EFHC2: variants seen among roughly 807,000 people sequenced by gnomAD.
EFHC2 encodes the protein EF-hand domain containing 2.
EFHC2 carries 18 observed loss-of-function variants against 52.7 expected under a neutral mutation model. That is an observed-to-expected ratio of 0.34 (90% CI 0.24 to 0.51). The LOEUF is 0.51. EFHC2 is among the 20% of genes least tolerant of loss of function. The pLI is 0.97. For synonymous variants in EFHC2, 203 were observed against 204.1 expected (o/e 0.99, Z 0.04); for missense variants, 513 against 562.5 (o/e 0.91, Z 0.89).
intron 14 of EFHC2, among the ~76,000 whole-genome samples, chrX:44,162,212 C>T (rs1257459347): frequency 2.7e-5 from 3 of 111,512 alleles, no homozygotes; most frequent in Admixed American, 1.9e-4. Context: ...CACTTGAGGC[C>T]GGGAGTTCGA....
At chrX:44,233,488 G>A (rs1381230531) in intron 9 of EFHC2, among the ~76,000 whole-genome samples, 2 of 111,114 alleles carry the variant, frequency 1.8e-5, no homozygotes, top group Non-Finnish European at 3.8e-5. Context: ...AGTTGAACAG[G>A]GAACTCCAGG....
chrX:44,343,287 T>G (rs900550868), intron 1 of EFHC2, among the ~76,000 whole-genome samples: 8 of 112,064 alleles, frequency 7.1e-5, no homozygotes, highest in African/African-American at 2.6e-4. Context: ...CCCCAATGGT[T>G]ATCGTCACTA....
chrX:44,207,379 C>T (rs1288723007), intron 11 of EFHC2, among the ~76,000 whole-genome samples: 2 of 111,161 alleles, frequency 1.8e-5, no homozygotes, highest in Non-Finnish European at 3.8e-5. Context: ...GGCATGGTGG[C>T]ATGTGCCTTT....
intron 2 of EFHC2, among the ~76,000 whole-genome samples, chrX:44,301,067 G>T (rs991229984): frequency 1.2e-4 from 12 of 99,558 alleles, no homozygotes; most frequent in African/African-American, 3.4e-4. Flanking sequence ...CCAAGATCAC[G>T]CCACTGCACT....
At chrX:44,231,814 A>G (rs1350110294) in intron 10 of EFHC2, among the ~76,000 whole-genome samples, 1 of 112,396 alleles carries the variant, frequency 8.9e-6, no homozygotes, top group Non-Finnish European at 1.9e-5. Context: ...AATGACTCCC[A>G]AATAAACATG....
intron 13 of EFHC2, among the ~76,000 whole-genome samples, chrX:44,167,757 C>T (rs1272266025): frequency 2.7e-5 from 3 of 111,193 alleles, no homozygotes; most frequent in Non-Finnish European, 5.7e-5. Context: ...GTGTGGGAAT[C>T]CCCCCAAGAG....
chrX:44,166,421 T>C (rs1042363622), intron 13 of EFHC2, among the ~76,000 whole-genome samples: 2 of 111,288 alleles, frequency 1.8e-5, no homozygotes, highest in African/African-American at 6.5e-5. Context: ...AGAAAGACTG[T>C]AGGGGCTGCT....
chrX:44,164,415 A>G lies in EFHC2; in HGVS notation c.2043-388T>C, dbSNP rs184930421. On this transcript the variant is annotated intron_variant, in intron 13 of 14. Transcript: ENST00000420999. ...TGTCAGCAAAATAGAATGTCCTTAT[A>G]TTTCTTCAATTGCATACCTTTTAAA... 2.8e-3 allele frequency among the ~76,000 whole-genome samples: 319 copies of G among 112,388 alleles called. 2 individuals carry two copies. The highest frequency in any genetic ancestry group is 5.1e-3 in the South Asian group (14 of 2,760).
chrX:44,271,365 A>T (rs2037615992), intron 3 of EFHC2, among the ~76,000 whole-genome samples: 1 of 111,787 alleles, frequency 8.9e-6, no homozygotes, highest in Non-Finnish European at 1.9e-5. Flanking sequence ...CATATTCAGG[A>T]TATGTTTTTC....
In EFHC2 at chrX:44,161,125, G is replaced by A. The variant is rs191366672; in HGVS notation, c.2148+2797C>T. On this transcript the variant is annotated intron_variant, in intron 14 of 14. Coordinates refer to ENST00000420999, the MANE Select transcript of EFHC2 (RefSeq NM_025184.4). ...CCCCCAACACAGAGGTAAACATTTG[G>A]GTGGTGGATTGAGTGGAATGGAAGA... Among the ~76,000 whole-genome samples the A allele has an allele frequency of 2.2e-4, 24 of 111,422 alleles. No individual in the cohort carries two copies. In the Admixed American group the frequency reaches 2.3e-3, roughly 11 times the overall value.
intron 2 of EFHC2, among the ~76,000 whole-genome samples, chrX:44,287,143 C>T (rs1316727420): frequency 5.5e-5 from 6 of 108,760 alleles, no homozygotes; most frequent in Non-Finnish European, 3.8e-5. Flanking sequence ...TCACTTGAGC[C>T]CAGGAGTTTG....
chrX:44,153,446 G>A lies in EFHC2; in HGVS notation c.2149-4550C>T, dbSNP rs541740088. 3.6e-4 allele frequency among the ~76,000 whole-genome samples: 40 copies of A among 111,574 alleles called. No homozygotes were observed. The South Asian group carries it at 0.013, about 37-fold the overall frequency. On this transcript the variant is annotated intron_variant, in intron 14 of 14. Coordinates refer to ENST00000420999, the MANE Select transcript of EFHC2 (RefSeq NM_025184.4). ...TCACTCTTCCTTAGGTTCCAGATGG[G>A]AATGACTTTCTGTCCAAATACTTCA...
intron 11 of EFHC2, among the ~76,000 whole-genome samples, chrX:44,206,022 A>G (rs1166357548): frequency 8.9e-6 from 1 of 112,096 alleles, no homozygotes; most frequent in African/African-American, 3.2e-5. Context: ...TCTACTAAGC[A>G]TCTTCTTGGA....
At chrX:44,295,924 A>T (rs2037823151) in intron 2 of EFHC2, among the ~76,000 whole-genome samples, 1 of 111,892 alleles carries the variant, frequency 8.9e-6, no homozygotes, top group Admixed American at 9.5e-5. Flanking sequence ...ATCCTGTTTC[A>T]TCTTCACTTA....
At chrX:44,164,111 C>T (rs1183772567) in intron 13 of EFHC2, 84 bp from the exon 14 acceptor site, 4 of 520,730 alleles carry the variant, frequency 7.7e-6, no homozygotes, top group African/African-American at 7.2e-5. Flanking sequence ...ATCATGAAAA[C>T]ATAATACCAT....
intron 11 of EFHC2, among the ~76,000 whole-genome samples, chrX:44,211,243 T>A (rs1259599262): frequency 8.9e-6 from 1 of 112,515 alleles, no homozygotes. Context: ...AAAAACAGTT[T>A]GGAGGCCAGG....
rs915346453 is a variant in EFHC2 at position 44,169,751 on chromosome X, ACTCT to A, written c.2043-5728_2043-5725del. Among the ~76,000 whole-genome samples the A allele has an allele frequency of 3.3e-4, 36 of 108,412 alleles. 1 individual carries two copies. The highest frequency in any genetic ancestry group is 5.7e-4 in the East Asian group (2 of 3,485). The allele number at this position is 108,412 out of a possible 115,157, so 94.1% of individuals were successfully genotyped here. A position where few individuals can be genotyped will look rare whatever the true frequency, so the allele number is the denominator to read the frequency against. ...CACACACACACACACACACATACAC[ACTCT>A]CTCTCTCTCTCTCATCATGAACTTC... On this transcript the variant is annotated intron_variant, in intron 13 of 14. Transcript: ENST00000420999.
In EFHC2 at chrX:44,293,483, T is replaced by G. The variant is rs199853886; in HGVS notation, c.231+19085A>C. On this transcript the variant is annotated intron_variant, in intron 2 of 14. Coordinates refer to ENST00000420999, the MANE Select transcript of EFHC2 (RefSeq NM_025184.4). ...AACCATTTCAGCTATTATAGGTTGGTGCAAAAATAATTACAGTTTTTGCCA... is the reference window on the plus strand; with the variant it reads ...AACCATTTCAGCTATTATAGGTTGGGGCAAAAATAATTACAGTTTTTGCCA... Among the ~76,000 whole-genome samples the G allele has an allele frequency of 2.7e-5, 3 of 111,116 alleles. No individual in the cohort carries two copies. The East Asian group carries it at 8.6e-4, about 32-fold the overall frequency.
chrX:44,273,885 C>A (rs959700286), intron 2 of EFHC2, among the ~76,000 whole-genome samples: 5 of 111,522 alleles, frequency 4.5e-5, no homozygotes, highest in Admixed American at 2.9e-4. Context: ...CAGGGTTATT[C>A]AATGTGGACA....
Sources: gnomAD v4.1 joint callset for allele counts (sites outside exome capture counted in the v4.1 genomes callset) on GRCh38, gnomAD v4.1.1 for gene constraint, MANE v1.5 for transcripts, NCBI Gene and HGNC (gene_info 2026-07-23, HGNC 2026-07-21) for gene names.